The following ATP8A2 variants were observed in gnomAD, a reference collection of about 807,000 sequenced individuals.
The protein encoded by ATP8A2 is ATPase phospholipid transporting 8A2, also known as phospholipid-transporting ATPase IB.
Under a neutral mutation model 165.6 loss-of-function variants are expected in ATP8A2, and 100 were observed. That is an observed-to-expected ratio of 0.60 (90% CI 0.51 to 0.71). ATP8A2 has a LOEUF of 0.71. ATP8A2 is among the 30% of genes least tolerant of loss of function. ATP8A2 has a pLI of 0.00. For missense variants in ATP8A2, 1,227 were observed against 1,479.5 expected (o/e 0.83, Z 2.80); for synonymous variants, 543 against 548.8 (o/e 0.99, Z 0.15).
chr13:25,910,615 C>T (rs141443356), intron 33 of ATP8A2, among the ~76,000 whole-genome samples: 23 of 152,120 alleles, frequency 1.5e-4, no homozygotes, highest in Admixed American at 8.5e-4. Context: ...CATGGGACAA[C>T]GGGTGTCTCC....
intron 24 of ATP8A2, among the ~76,000 whole-genome samples, chr13:25,687,963 A>G (rs761197589): frequency 2.6e-4 from 39 of 152,022 alleles, no homozygotes; most frequent in Non-Finnish European, 5.0e-4. Flanking sequence ...AGACTCTGGG[A>G]TGAAGTCCAA....
intron 27 of ATP8A2, among the ~76,000 whole-genome samples, chr13:25,811,674 A>C (rs1052112194): frequency 2.0e-5 from 3 of 152,138 alleles, no homozygotes; most frequent in Admixed American, 1.3e-4. Flanking sequence ...AACATGATGC[A>C]ACTCCATCTT....
At chr13:25,585,417 G>A (rs368431704) in intron 23 of ATP8A2, among the ~76,000 whole-genome samples, 4 of 152,128 alleles carry the variant, frequency 2.6e-5, no homozygotes, top group African/African-American at 9.7e-5. Flanking sequence ...TGTAGGATGA[G>A]TGAGAACAAA....
At chr13:25,963,393 CAAA>C (rs763926807) in intron 34 of ATP8A2, among the ~76,000 whole-genome samples, 96 of 115,374 alleles carry the variant, frequency 8.3e-4, no homozygotes, top group Middle Eastern at 4.6e-3. Context: ...GACTCCGTCT[CAAA>C]AAAAAAAAAA....
At chr13:25,903,459 T>C (rs1315488052) in intron 33 of ATP8A2, among the ~76,000 whole-genome samples, 1 of 152,194 alleles carries the variant, frequency 6.6e-6, no homozygotes, top group Non-Finnish European at 1.5e-5. Context: ...TGTTCTTCAT[T>C]GGAATGATCC....
chr13:25,520,280 T>A (rs2037620074), intron 2 of ATP8A2, among the ~76,000 whole-genome samples: 1 of 152,214 alleles, frequency 6.6e-6, no homozygotes. Context: ...ATTTGTCTTT[T>A]TATGCCTGGC....
chr13:25,709,346 T>C (rs950033609), intron 25 of ATP8A2, among the ~76,000 whole-genome samples: 2 of 152,344 alleles, frequency 1.3e-5, no homozygotes, highest in South Asian at 4.1e-4. Context: ...TGCCTGTCAA[T>C]CATTTGTGCA....
chr13:25,531,293 TATATGTTATATATG>T (rs2137915807), intron 4 of ATP8A2, among the ~76,000 whole-genome samples: 1 of 116,976 alleles, frequency 8.5e-6, no homozygotes, highest in African/African-American at 3.6e-5. Context: ...ATATATGATA[TATATGTTATATATG>T]ATATATATGT....
chr13:25,892,923 G>T (rs1332401542), intron 33 of ATP8A2, among the ~76,000 whole-genome samples: 1 of 152,018 alleles, frequency 6.6e-6, no homozygotes, highest in Non-Finnish European at 1.5e-5. Flanking sequence ...GTGTTAAGTG[G>T]TTGGTAATAT....
At chr13:25,560,074 C>A (rs66811831) in intron 15 of ATP8A2, among the ~76,000 whole-genome samples, 1 of 151,998 alleles carries the variant, frequency 6.6e-6, no homozygotes, top group African/African-American at 2.4e-5. Flanking sequence ...GCTATCCTCC[C>A]GCTGTGTCTT....
At chr13:25,695,129 T>C (rs1302586528) in intron 24 of ATP8A2, among the ~76,000 whole-genome samples, 1 of 143,898 alleles carries the variant, frequency 6.9e-6, no homozygotes, top group Non-Finnish European at 1.5e-5. Context: ...CAAGTCACAC[T>C]ATCTTTTTTT....
At chr13:25,925,751 G>A (rs9511979) in intron 33 of ATP8A2, among the ~76,000 whole-genome samples, 25 of 149,532 alleles carry the variant, frequency 1.7e-4, no homozygotes, top group Admixed American at 4.6e-4. Context: ...TTTTTGAGAC[G>A]GAGTTTGCTC....
chr13:25,806,309 A>T lies in ATP8A2; in HGVS notation c.2680-21809A>T, dbSNP rs187775123. 2.6e-3 allele frequency among the ~76,000 whole-genome samples: 398 copies of T among 152,254 alleles called. 2 individuals are homozygous for T. Among genetic ancestry groups the T allele is most frequent in the Non-Finnish European group, 4.8e-3 (326 of 68,020 alleles). On this transcript the variant is annotated intron_variant, in intron 27 of 36. Coordinates refer to ENST00000381655, the MANE Select transcript of ATP8A2 (RefSeq NM_016529.6). ...ATATGACATATATACAGAAGATGGC[A>T]GCTTTAGCATGATCTGTGGGTGGAG...
At chr13:25,500,945 G>A (rs1434262794) in intron 2 of ATP8A2, among the ~76,000 whole-genome samples, 1 of 152,092 alleles carries the variant, frequency 6.6e-6, no homozygotes, top group Non-Finnish European at 1.5e-5. Context: ...TATATTACCT[G>A]TGCATTTTTT....
chr13:25,425,191 C>T (rs906199150), intron 1 of ATP8A2, among the ~76,000 whole-genome samples: 1 of 152,126 alleles, frequency 6.6e-6, no homozygotes, highest in African/African-American at 2.4e-5. Flanking sequence ...ATAGGCTACC[C>T]TCTTTTCTTA....
intron 25 of ATP8A2, among the ~76,000 whole-genome samples, chr13:25,758,521 C>A (rs1340711497): frequency 3.9e-5 from 6 of 152,124 alleles, no homozygotes; most frequent in African/African-American, 1.4e-4. Context: ...TGCAAAATAA[C>A]CTTTACATTA....
chr13:25,958,694 G>GGTAGGAAC (rs1210862771), intron 33 of ATP8A2, among the ~76,000 whole-genome samples: 1 of 152,158 alleles, frequency 6.6e-6, no homozygotes, highest in Non-Finnish European at 1.5e-5. Flanking sequence ...AAATTAGGAT[G>GGTAGGAAC]GTAGGAACCT....
At chr13:25,415,598 A>G (rs867404636) in intron 1 of ATP8A2, among the ~76,000 whole-genome samples, 3 of 152,228 alleles carry the variant, frequency 2.0e-5, no homozygotes, top group African/African-American at 4.8e-5. Flanking sequence ...TATGTGGTCC[A>G]GCTCTTGAGC....
At chr13:25,408,670 C>CTTACCT (rs58480235) in intron 1 of ATP8A2, among the ~76,000 whole-genome samples, 73,395 of 151,404 alleles carry the variant, frequency 0.48, 18,647 homozygotes, top group Non-Finnish European at 0.55. Flanking sequence ...ACACTAAGCC[C>CTTACCT]TAAACTCTTT....
Sources: allele counts gnomAD v4.1 joint callset (sites outside exome capture counted in the v4.1 genomes callset), GRCh38; gene constraint gnomAD v4.1.1; transcripts MANE v1.5; gene names NCBI Gene and HGNC (gene_info 2026-07-23, HGNC 2026-07-21).